The following ABI3BP variants were observed in gnomAD, a reference collection of about 807,000 sequenced individuals.
The protein encoded by ABI3BP is target of Nesh-SH3.
Under a neutral mutation model 268.6 loss-of-function variants are expected in ABI3BP, and 216 were observed. The ratio of observed to expected loss-of-function variants is 0.80; its 90% CI spans 0.72 to 0.90. The LOEUF (loss-of-function observed/expected upper bound fraction) is 0.90. ABI3BP is among the 40% of genes least tolerant of loss of function. The pLI is 0.00. For synonymous variants in ABI3BP, 730 were observed against 730.0 expected (o/e 1.00, Z 0.00); for missense variants, 2,090 against 2,182.4 (o/e 0.96, Z 0.84).
intron 1 of ABI3BP, among the ~76,000 whole-genome samples, chr3:100,982,117 A>C (rs989013184): frequency 3.3e-5 from 5 of 152,192 alleles, no homozygotes; most frequent in Admixed American, 1.3e-4. Context: ...TGCAGGAAAA[A>C]CTACCATTTA....
chr3:100,926,284 G>A lies in ABI3BP; in HGVS notation c.259+18C>T, dbSNP rs184630011. 77 of 1,611,156 alleles carry A rather than the reference G, an allele frequency of 4.8e-5. No homozygotes were observed. Among genetic ancestry groups the A allele is most frequent in the African/African-American group, 4.3e-4 (32 of 74,852 alleles). On this transcript the variant is annotated intron_variant, in intron 2 of 67. Coordinates refer to ENST00000471714, the MANE Select transcript of ABI3BP (RefSeq NM_001375547.2). Reference sequence around the variant, plus strand: ...TCTTACCTCCTTTCCTTCCCAGCCCGATACCCAAACACCTTACCAACTATA... The same window carrying A: ...TCTTACCTCCTTTCCTTCCCAGCCCAATACCCAAACACCTTACCAACTATA...
intron 6 of ABI3BP, among the ~76,000 whole-genome samples, chr3:100,879,647 C>T (rs2153349176): frequency 6.6e-6 from 1 of 152,256 alleles, no homozygotes. Context: ...CAGTACAGAC[C>T]AGTGTCCAGT....
Position 100,901,806 on chromosome 3 carries a change from A to G in ABI3BP, c.328+812T>C, listed in dbSNP as rs560354219. 8.6e-5 allele frequency among the ~76,000 whole-genome samples: 13 copies of G among 152,012 alleles called. No homozygotes were observed. The South Asian group carries it at 2.7e-3, about 32-fold the overall frequency. ...AAAGAAAAGCAAAATTTTGTGATCA[A>G]CTCTATATAGAGTTAGGAAGATGCA... On this transcript the variant is annotated intron_variant, in intron 3 of 67. Transcript: ENST00000471714.
rs148451230 is a variant in ABI3BP, at chr3:100,932,304, A to T, written c.80-5823T>A. Reference sequence around the variant, plus strand: ...GGACATAGGCCTTCGCAAAGATTTCATGACAAAGTCTCCCAAACAAAAACA... The same window carrying T: ...GGACATAGGCCTTCGCAAAGATTTCTTGACAAAGTCTCCCAAACAAAAACA... On this transcript the variant is annotated intron_variant, in intron 1 of 67. Coordinates refer to ENST00000471714, the MANE Select transcript of ABI3BP (RefSeq NM_001375547.2). Among the ~76,000 whole-genome samples, 688 of 152,034 alleles carry T rather than the reference A, an allele frequency of 4.5e-3. 3 individuals carry two copies. The highest frequency in any genetic ancestry group is 0.016 in the African/African-American group (660 of 41,528).
At chr3:100,768,083 G>GTTTTTTT (rs11371725) in intron 62 of ABI3BP, among the ~76,000 whole-genome samples, 3 of 108,740 alleles carry the variant, frequency 2.8e-5, no homozygotes, top group Non-Finnish European at 3.6e-5. Flanking sequence ...TTTGGCTCAA[G>GTTTTTTT]TTTTTTTTTT....
intron 1 of ABI3BP, among the ~76,000 whole-genome samples, chr3:100,982,987 C>T (rs1327513309): frequency 6.6e-6 from 1 of 152,226 alleles, no homozygotes; most frequent in East Asian, 1.9e-4. Flanking sequence ...CCAGAATCCG[C>T]TGCTCTCAGA....
chr3:100,922,301 T>C (rs541903635), intron 2 of ABI3BP, among the ~76,000 whole-genome samples: 4 of 152,180 alleles, frequency 2.6e-5, no homozygotes, highest in African/African-American at 9.6e-5. Flanking sequence ...GAGAGGATAA[T>C]GCCCCCAACA....
chr3:100,945,989 T>G (rs1009445576), intron 1 of ABI3BP, among the ~76,000 whole-genome samples: 5 of 152,188 alleles, frequency 3.3e-5, no homozygotes, highest in African/African-American at 4.8e-5. Flanking sequence ...GAAAATGAGC[T>G]GTCTTGTTTT....
intron 9 of ABI3BP, among the ~76,000 whole-genome samples, chr3:100,871,017 G>A (rs2099104036): frequency 6.6e-6 from 1 of 152,160 alleles, no homozygotes. Flanking sequence ...AACTTTATGA[G>A]GGATGGGATG....
chr3:100,959,696 G>C (rs1010587976), intron 1 of ABI3BP, among the ~76,000 whole-genome samples: 3 of 151,888 alleles, frequency 2.0e-5, no homozygotes, highest in African/African-American at 7.3e-5. Flanking sequence ...GGATAGAACA[G>C]ACATTAAAAA....
At chr3:100,811,890 G>A (rs2097868974) in intron 46 of ABI3BP, 91 bp from the exon 47 acceptor site, 2 of 908,278 alleles carry the variant, frequency 2.2e-6, no homozygotes, top group Non-Finnish European at 3.4e-6. Flanking sequence ...ATAGAATTGA[G>A]CTATCTTAAG....
At position 100,926,478 on chromosome 3, in the gene ABI3BP, T is replaced by A. The variant is rs1176514709; in HGVS notation, c.83A>T (p.Lys28Ile). The A allele has an allele frequency of 1.2e-6, 2 of 1,612,698 alleles. No individual in the cohort carries two copies. Among genetic ancestry groups the A allele is most frequent in the Non-Finnish European group, 1.7e-6 (2 of 1,179,000 alleles). ...GATGTGGACTTTGAGGTTTGGCCTT[T>A]TACCTAACAATGGGAATGAAAACAT... ...LGNAQKLPKG[K>I]RPNLKVHINT... The change falls in exon 2 of 68, where the codon AAA becomes ATA. Residue 28 changes from lysine (K) to isoleucine (I), a missense_variant. Coordinates refer to ENST00000471714, the MANE Select transcript of ABI3BP (RefSeq NM_001375547.2).
intron 2 of ABI3BP, chr3:100,911,411 A>G (rs2056407074): frequency 7.1e-6 from 2 of 280,704 alleles, no homozygotes; most frequent in Non-Finnish European, 1.3e-5. Flanking sequence ...GCCTGAATCT[A>G]TGCTCATCTC....
rs2153014065 is a variant in ABI3BP at position 100,848,962 on chromosome 3, C to T, written c.1502-87G>A. 5.8e-6 allele frequency: 6 copies of T among 1,039,176 alleles called. No homozygotes were observed. In the East Asian group the frequency reaches 1.5e-4, roughly 25 times the overall value. 64.4% of individuals were successfully genotyped at this position (1,039,176 alleles called of 1,614,324 possible). On this transcript the variant is annotated intron_variant, in intron 17 of 67. Coordinates refer to ENST00000471714, the MANE Select transcript of ABI3BP (RefSeq NM_001375547.2). ...CCTGTAAATTTGCAAACTCCAAGTA[C>T]AAGAACTGCTTTATATTTCCTTGTA...
At chr3:100,980,326 G>A (rs567072644) in intron 1 of ABI3BP, among the ~76,000 whole-genome samples, 8 of 152,130 alleles carry the variant, frequency 5.3e-5, no homozygotes, top group African/African-American at 1.9e-4. Flanking sequence ...TGCCTCCCCG[G>A]TTCACGCCAT....
At position 100,983,165 on chromosome 3, in the gene ABI3BP, G is replaced by A. The variant is rs772731620; in HGVS notation, c.79+10141C>T. On this transcript the variant is annotated intron_variant, in intron 1 of 67. Transcript: ENST00000471714. ...TGAAGCTCCACCTTGGCATCACCTT[G>A]TAAGCAAAGCGCCCCTGTTCAGAGT... 5.3e-4 allele frequency among the ~76,000 whole-genome samples: 81 copies of A among 152,198 alleles called. 2 individuals are homozygous for A. The highest frequency in any genetic ancestry group is 4.1e-4 in the South Asian group (2 of 4,834).
intron 56 of ABI3BP, 76 bp downstream of exon 56, chr3:100,789,378 T>C (rs2097137484): frequency 1.4e-6 from 2 of 1,382,482 alleles, no homozygotes; most frequent in African/African-American, 1.4e-5. Context: ...TCCCCTTTGG[T>C]GTATTTGGCT....
intron 51 of ABI3BP, among the ~76,000 whole-genome samples, chr3:100,804,281 T>TTG (rs1444780197): frequency 6.6e-6 from 1 of 151,960 alleles, no homozygotes; most frequent in Non-Finnish European, 1.5e-5. Context: ...AAAGAAACCA[T>TTG]TGTGTGTGTG....
intron 63 of ABI3BP, among the ~76,000 whole-genome samples, chr3:100,755,019 A>G (rs1263389468): frequency 6.6e-6 from 1 of 152,200 alleles, no homozygotes; most frequent in Non-Finnish European, 1.5e-5. Flanking sequence ...TCCAGTAACA[A>G]GGAGCCTGTT....
Sources: gnomAD v4.1 joint callset for allele counts (sites outside exome capture counted in the v4.1 genomes callset) on GRCh38, gnomAD v4.1.1 for gene constraint, MANE v1.5 for transcripts, NCBI Gene and HGNC (gene_info 2026-07-23, HGNC 2026-07-21) for gene names.